HEG1: variants seen among roughly 807,000 people sequenced by gnomAD.
The protein encoded by HEG1 is protein HEG homolog 1.
HEG1 carries 56 observed loss-of-function variants against 125.6 expected under a neutral mutation model. The ratio of observed to expected loss-of-function variants is 0.45; its 90% confidence interval spans 0.36 to 0.56. The LOEUF is 0.56. Ranked by LOEUF, HEG1 falls within the 20% of genes least tolerant of loss-of-function variation. The pLI, the probability that HEG1 is intolerant of heterozygous loss-of-function variation, is 0.00. For missense variants in HEG1, 1,523 were observed against 1,670.0 expected (o/e 0.91, Z 1.53); for synonymous variants, 644 against 668.5 (o/e 0.96, Z 0.57).
intron 8 of HEG1, among the ~76,000 whole-genome samples, chr3:125,007,238 T>C (rs1260812263): frequency 6.7e-6 from 1 of 148,326 alleles, no homozygotes; most frequent in East Asian, 2.0e-4. Context: ...ACATCGCAAA[T>C]GTCAGGTACG....
intron 14 of HEG1, among the ~76,000 whole-genome samples, chr3:124,985,429 A>T (rs1274528233): frequency 6.6e-6 from 1 of 152,244 alleles, no homozygotes; most frequent in East Asian, 1.9e-4. Flanking sequence ...AAAAAAGGCT[A>T]AACAACCCAA....
At chr3:124,987,952 C>CACACACATATATATATATATAT in intron 14 of HEG1, among the ~76,000 whole-genome samples, 2 of 54,698 alleles carry the variant, frequency 3.7e-5, no homozygotes, top group Non-Finnish European at 9.2e-5. Context: ...CACACACACA[C>CACACACATATATATATATATAT]ATATATATAT....
At chr3:125,044,511 T>C (rs570194673) in intron 1 of HEG1, among the ~76,000 whole-genome samples, 6 of 152,204 alleles carry the variant, frequency 3.9e-5, no homozygotes, top group South Asian at 2.1e-4. Context: ...GCATTTCACA[T>C]AGACTGTCTC....
chr3:124,974,271 G>A (rs1422185538), intron 15 of HEG1, among the ~76,000 whole-genome samples: 1 of 152,098 alleles, frequency 6.6e-6, no homozygotes, highest in Non-Finnish European at 1.5e-5. Context: ...TGGAGCCAGA[G>A]GGGCCCTTAG....
At chr3:124,990,342 T>C (rs369907704) in intron 14 of HEG1, among the ~76,000 whole-genome samples, 1 of 62,164 alleles carries the variant, frequency 1.6e-5, no homozygotes, top group African/African-American at 4.1e-5. Flanking sequence ...GTTTTTTGGG[T>C]TTTTTTTTTT....
In HEG1 at chr3:124,966,703, T is replaced by G. The variant is rs1936320611; in HGVS notation, c.*3949A>C. On this transcript the variant is annotated 3_prime_UTR_variant, in exon 17 of 17. Coordinates refer to ENST00000311127, the MANE Select transcript of HEG1 (RefSeq NM_020733.2). Reference sequence around the variant, plus strand: ...TGCTGTAGTCTCAAAATTTGTGTATTTTAGAACTATGGGTCAAAACCCTGT... The same window carrying G: ...TGCTGTAGTCTCAAAATTTGTGTATGTTAGAACTATGGGTCAAAACCCTGT... 6.6e-6 allele frequency: 1 copy of G among 152,248 alleles called. No individual in the cohort carries two copies. The highest frequency in any genetic ancestry group is 6.5e-5 in the Admixed American group (1 of 15,288). The allele number at this position is 152,248 out of a possible 1,614,324, so 9.4% of individuals were successfully genotyped here.
intron 11 of HEG1, 85 bp downstream of exon 11, chr3:125,001,767 C>A: frequency 6.8e-7 from 1 of 1,469,188 alleles, no homozygotes. Flanking sequence ...CTTTCCTGGG[C>A]CTGAGCCCTG....
intron 1 of HEG1, among the ~76,000 whole-genome samples, chr3:125,037,966 T>TAG (rs972726888): frequency 7.6e-4 from 116 of 152,352 alleles, no homozygotes; most frequent in African/African-American, 2.7e-3. Flanking sequence ...CAATGGAATG[T>TAG]AGACATGTAA....
chr3:125,009,286 G>GT (rs545544032), intron 8 of HEG1, among the ~76,000 whole-genome samples: 6,180 of 136,186 alleles, frequency 0.045, 393 homozygotes, highest in African/African-American at 0.14. Context: ...CATCTAAATT[G>GT]TTTTTTTTTT....
chr3:125,002,215 T>G, intron 10 of HEG1, 42 bp downstream of exon 10: 1 of 1,583,428 alleles, frequency 6.3e-7, no homozygotes, highest in Non-Finnish European at 8.7e-7. Context: ...GCCTCCCCTT[T>G]GTACAGACTA....
At chr3:125,005,093 C>T (rs1259622226) in intron 9 of HEG1, among the ~76,000 whole-genome samples, 172 bp downstream of exon 9, 1 of 152,200 alleles carries the variant, frequency 6.6e-6, no homozygotes, top group East Asian at 1.9e-4. Context: ...GGCACAAATA[C>T]CTCACTTCCA....
At chr3:125,046,804 G>A (rs1287486571) in intron 1 of HEG1, among the ~76,000 whole-genome samples, 5 of 152,138 alleles carry the variant, frequency 3.3e-5, no homozygotes, top group African/African-American at 1.2e-4. Flanking sequence ...CACTCTGAAG[G>A]TGGCTCTCAA....
At chr3:124,975,248 G>A (rs904344959) in intron 15 of HEG1, among the ~76,000 whole-genome samples, 5 of 152,132 alleles carry the variant, frequency 3.3e-5, no homozygotes, top group Admixed American at 6.5e-5. Flanking sequence ...TTATGTCAAC[G>A]GTAGAAAAGA....
intron 14 of HEG1, among the ~76,000 whole-genome samples, chr3:124,980,818 C>G (rs1936635796): frequency 6.6e-6 from 1 of 151,692 alleles, no homozygotes; most frequent in South Asian, 2.1e-4. Context: ...AGCGCCTGGC[C>G]TGAGGACCAG....
chr3:124,992,621 C>G (rs988787625), intron 12 of HEG1, among the ~76,000 whole-genome samples: 1 of 152,190 alleles, frequency 6.6e-6, no homozygotes, highest in African/African-American at 2.4e-5. Context: ...GCGAGTGATG[C>G]CCTGTGGGCT....
At chr3:125,017,677 G>A (rs746465884) in intron 5 of HEG1, among the ~76,000 whole-genome samples, 22 of 152,088 alleles carry the variant, frequency 1.4e-4, no homozygotes, top group Non-Finnish European at 3.2e-4. Flanking sequence ...TTCCTCAGAA[G>A]GTTAAAAATA....
In HEG1 at chr3:125,020,853, A is replaced by G. The variant is rs1176634348; in HGVS notation, c.1191T>C (p.Ile397=). 13 of 1,614,040 alleles carry G rather than the reference A, an allele frequency of 8.1e-6. No homozygotes were observed. The highest frequency in any genetic ancestry group is 1.0e-5 in the Non-Finnish European group (12 of 1,179,888). The change falls in exon 4 of 17, where the codon ATT becomes ATC. Residue 397 remains isoleucine, a synonymous_variant. Coordinates refer to ENST00000311127, the MANE Select transcript of HEG1 (RefSeq NM_020733.2). The part of the protein sequence containing the change: ...VTGNPGDEEF[I]EPSTENEFGL... ...CAAATTCATTTTCTGTGGATGGTTC[A>G]ATGAATTCCTCATCCCCTGGATTCC...
intron 12 of HEG1, among the ~76,000 whole-genome samples, chr3:124,993,547 G>C (rs897890003): frequency 1.3e-5 from 2 of 152,294 alleles, no homozygotes; most frequent in South Asian, 2.1e-4. Flanking sequence ...ACGTGGGAGT[G>C]GGGGAAGCTA....
At chr3:125,000,948 A>G (rs2107695757) in intron 11 of HEG1, among the ~76,000 whole-genome samples, 1 of 152,350 alleles carries the variant, frequency 6.6e-6, no homozygotes, top group Admixed American at 6.5e-5. Flanking sequence ...CCCTTTGCAA[A>G]GAAGTACTTT....
Sources: allele counts gnomAD v4.1 joint callset (sites outside exome capture counted in the v4.1 genomes callset), GRCh38; gene constraint gnomAD v4.1.1; transcripts MANE v1.5; gene names NCBI Gene and HGNC (gene_info 2026-07-23, HGNC 2026-07-21).